Variants in GRK2 observed in about 807,000 individuals in gnomAD.
The protein encoded by GRK2 is G protein-coupled receptor kinase 2.
A neutral mutation model predicts 97.8 loss-of-function variants in GRK2; 23 were observed. The observed-to-expected ratio is 0.24, with a 90% CI of 0.17 to 0.33. The LOEUF (loss-of-function observed/expected upper bound fraction) is 0.33, where lower values mean the gene tolerates loss of function less well. GRK2 is among the 10% of genes least tolerant of loss of function. GRK2 has a pLI of 1.00. For missense variants in GRK2, 633 were observed against 956.9 expected, an observed-to-expected ratio of 0.66 and a Z score of 4.47; for synonymous variants, 425 against 381.7, an observed-to-expected ratio of 1.11 and a Z score of -1.32.
Position 67,286,305 on chromosome 11 carries a change from CA to C in GRK2, c.*856del. ...CAGTGTGCCCCCCATCCTGGCCCAT[CA>C]GTGTACCCCCGCCCAGGCTGGCCAG... is the stretch of plus-strand genomic sequence containing the variant. On this transcript the variant is annotated 3_prime_UTR_variant, in exon 21 of 21. Transcript: ENST00000308595. 1 of 656,278 alleles carries C rather than the reference CA, an allele frequency of 1.5e-6. No homozygotes were observed. Among genetic ancestry groups the C allele is most frequent in the East Asian group, 2.8e-5 (1 of 36,188 alleles). The allele number at this position is 656,278 out of a possible 1,614,324, so 40.7% of individuals were successfully genotyped here. A position where few individuals can be genotyped will look rare whatever the true frequency, so the allele number is the denominator to read the frequency against.
chr11:67,283,566 G>A (rs1860200803), intron 15 of GRK2, 141 bp from the exon 16 acceptor site: 6 of 840,062 alleles, frequency 7.1e-6, no homozygotes, highest in South Asian at 1.6e-5. Flanking sequence ...AGGAACTTCT[G>A]TTCTCCCATT....
Position 67,283,228 on chromosome 11 carries a change from G to T in GRK2, c.1328G>T (p.Gly443Val). The stretch of plus-strand genomic sequence containing the variant: ...CGGAGATTGGGCTGCCTGGGCCGAG[G>T]GTGAGTACCCTGGCGCCTTGGGCAT... ...VNRRLGCLGR[G>V]AQEVKESPFF... Residue 443 changes from glycine to valine, a missense_variant and splice_region_variant, in exon 15 of 21, where the codon GGG (glycine) becomes GTG (valine). Gly to Val is a moderately radical substitution (Grantham distance 109). Around this residue, in one of 4 missense-constraint regions of GRK2, gnomAD observed 68 missense variants for 71.0 expected, o/e 0.96. Coordinates refer to ENST00000308595, the MANE Select transcript of GRK2 (RefSeq NM_001619.5). 1 of 1,613,616 alleles carries T rather than the reference G, an allele frequency of 6.2e-7. No individual in the cohort carries two copies. Among genetic ancestry groups the T allele is most frequent in the Non-Finnish European group, 8.5e-7 (1 of 1,179,730 alleles).
Position 67,279,915 on chromosome 11 carries a change from G to T in GRK2, c.503+15G>T. On this transcript the variant is annotated intron_variant, in intron 6 of 20. Transcript: ENST00000308595. ...TTCATTGAGAGGTGAGAGCAGGGAA[G>T]TGTGGGAGAGGAAGGGGGAGGGAGG... The T allele has an allele frequency of 1.2e-6, 2 of 1,613,412 alleles. No individual in the cohort carries two copies. The highest frequency in any genetic ancestry group is 1.7e-6 in the Non-Finnish European group (2 of 1,179,586).
At position 67,286,478 on chromosome 11, in the gene GRK2, C is replaced by T. The variant is rs1187401844; in HGVS notation, c.*1028C>T. On this transcript the variant is annotated 3_prime_UTR_variant, in exon 21 of 21. Coordinates refer to ENST00000308595, the MANE Select transcript of GRK2 (RefSeq NM_001619.5). Reference sequence around the variant, plus strand: ...CCTCCCGTCTACTCATTCCCCGGGGCGTTTCTTTGCCGATTTTTGAATGTG... The same window carrying T: ...CCTCCCGTCTACTCATTCCCCGGGGTGTTTCTTTGCCGATTTTTGAATGTG... 3 of 700,538 alleles carry T rather than the reference C, an allele frequency of 4.3e-6. No homozygotes were observed. The highest frequency in any genetic ancestry group is 4.0e-5 in the Admixed American group (2 of 49,748). 43.4% of individuals were successfully genotyped at this position (700,538 alleles called of 1,614,324 possible). A position where few individuals can be genotyped will look rare whatever the true frequency, so the allele number is the denominator to read the frequency against.
At position 67,286,133 on chromosome 11, in the gene GRK2, C is replaced by T. The variant is rs983214179; in HGVS notation, c.*683C>T. 2.2e-6 allele frequency: 1 copy of T among 461,988 alleles called. No homozygotes were observed. The highest frequency in any genetic ancestry group is 2.1e-5 in the African/African-American group (1 of 48,064). 28.6% of individuals were successfully genotyped at this position (461,988 alleles called of 1,614,324 possible). ...AACCCCCAGCACCCGGGCTCAGGGA[C>T]CACAGCAAGGCACCTGCAGGTTGGG... On this transcript the variant is annotated 3_prime_UTR_variant, in exon 21 of 21. Coordinates refer to ENST00000308595, the MANE Select transcript of GRK2 (RefSeq NM_001619.5).
intron 1 of GRK2, chr11:67,270,942 C>CCGGTGA (rs1263918390): frequency 6.6e-6 from 1 of 152,164 alleles, no homozygotes; most frequent in Non-Finnish European, 1.5e-5. Context: ...TAGTAAGTTC[C>CCGGTGA]CGGTGACGTC....
At chr11:67,272,796 T>C (rs1486133198) in intron 1 of GRK2, among the ~76,000 whole-genome samples, 3 of 152,246 alleles carry the variant, frequency 2.0e-5, no homozygotes, top group African/African-American at 7.2e-5. Flanking sequence ...AGTAGAGCAA[T>C]GCAGTGCCTG....
chr11:67,272,360 A>C (rs992853541), intron 1 of GRK2, among the ~76,000 whole-genome samples: 1 of 152,152 alleles, frequency 6.6e-6, no homozygotes, highest in African/African-American at 2.4e-5. Flanking sequence ...GCCTCGGAGC[A>C]CGTGGCCCAG....
Position 67,281,289 on chromosome 11 carries a change from C to T in GRK2, c.647+105C>T. On this transcript the variant is annotated intron_variant, in intron 8 of 20. Coordinates refer to ENST00000308595, the MANE Select transcript of GRK2 (RefSeq NM_001619.5). This position sits in a 1 kb window ranked among gnomAD's most constrained non-coding sequence, Gnocchi z 5.7. The stretch of plus-strand genomic sequence containing the variant: ...GGGCCACCTGCTGCTCCATGCACTC[C>T]TGTCTTGCCGTGCTGTTACCCCCGC... 8.6e-7 allele frequency: 1 copy of T among 1,159,768 alleles called. No homozygotes were observed. The highest frequency in any genetic ancestry group is 1.4e-5 in the South Asian group (1 of 73,506). 71.8% of individuals were successfully genotyped at this position (1,159,768 alleles called of 1,614,324 possible).
Position 67,284,298 on chromosome 11 carries a change from G to A in GRK2, c.1579G>A (p.Asp527Asn), listed in dbSNP as rs781074663. 7 of 1,613,396 alleles carry A rather than the reference G, an allele frequency of 4.3e-6. No individual in the cohort carries two copies. The highest frequency in any genetic ancestry group is 3.4e-6 in the Non-Finnish European group (4 of 1,179,986). Residue 527 changes from aspartate to asparagine, a missense_variant, in exon 18 of 21, where the codon GAC becomes AAC. Around this residue, in one of 4 missense-constraint regions of GRK2, gnomAD observed 180 missense variants for 311.3 expected, o/e 0.58. Transcript: ENST00000308595. ...GCAGGAGGTGGCAGAGACTGTCTTC[G>A]ACACCATCAACGCTGAGACAGACCG... ...WQQEVAETVF[D>N]TINAETDRLE...
chr11:67,282,146 C>A lies in GRK2; in HGVS notation c.958-125C>A. ...GTAGCTGGGGACAGGAGAGAGGACCCCCACCTTTGCCCTTTCTTTGGGTAC... is the reference window on the plus strand; with the variant it reads ...GTAGCTGGGGACAGGAGAGAGGACCACCACCTTTGCCCTTTCTTTGGGTAC... On this transcript the variant is annotated intron_variant, in intron 11 of 20. Transcript: ENST00000308595. This position sits in a 1 kb window ranked among gnomAD's most constrained non-coding sequence, Gnocchi z 6.9. The A allele has an allele frequency of 2.5e-6, 3 of 1,199,286 alleles. No individual in the cohort carries two copies. The highest frequency in any genetic ancestry group is 3.6e-6 in the Non-Finnish European group (3 of 836,714). The allele number at this position is 1,199,286 out of a possible 1,614,324, so 74.3% of individuals were successfully genotyped here. A position where few individuals can be genotyped will look rare whatever the true frequency, so the allele number is the denominator to read the frequency against.
intron 1 of GRK2, among the ~76,000 whole-genome samples, chr11:67,273,008 A>G (rs1026161395): frequency 2.0e-5 from 3 of 152,240 alleles, no homozygotes; most frequent in African/African-American, 4.8e-5. Flanking sequence ...GCTCTCTCCC[A>G]TGGCCCAGCA....
intron 7 of GRK2, 100 bp from the exon 8 acceptor site, chr11:67,280,993 G>T: frequency 1.7e-6 from 2 of 1,184,632 alleles, no homozygotes; most frequent in South Asian, 1.4e-5. Context: ...ACATGGGTAT[G>T]GGGACCCTGG....
chr11:67,281,084 G>A lies in GRK2; in HGVS notation c.556-9G>A. On this transcript the variant is annotated splice_polypyrimidine_tract_variant and intron_variant, in intron 7 of 20. Coordinates refer to ENST00000308595, the MANE Select transcript of GRK2 (RefSeq NM_001619.5). The surrounding 1 kb of genome is among the most constrained non-coding windows in gnomAD (Gnocchi z 5.7). ...GCCTGTGGTGACCGCAGCTGTCGCT[G>A]CCCCTCAGCTGACCATGAATGACTT... 1 of 1,609,314 alleles carries A rather than the reference G, an allele frequency of 6.2e-7. No homozygotes were observed. Among genetic ancestry groups the A allele is most frequent in the Non-Finnish European group, 8.5e-7 (1 of 1,177,360 alleles).
intron 1 of GRK2, among the ~76,000 whole-genome samples, chr11:67,271,965 C>G (rs755441306): frequency 1.3e-5 from 2 of 152,236 alleles, no homozygotes; most frequent in Admixed American, 6.5e-5. Context: ...GGTGAATGCT[C>G]GCTCATCTCC....
At position 67,281,628 on chromosome 11, in the gene GRK2, C is replaced by G. The variant is rs987418340; in HGVS notation, c.748-22C>G. On this transcript the variant is annotated intron_variant, in intron 9 of 20. Transcript: ENST00000308595. The surrounding 1 kb of genome is among the most constrained non-coding windows in gnomAD (Gnocchi z 5.7). ...GGCGCCCCTGCTAACTGCCCGCCCC[C>G]TCCCCTCCTCTCCCCTCCTAGGACT... 3 of 1,584,908 alleles carry G rather than the reference C, an allele frequency of 1.9e-6. No homozygotes were observed. Among genetic ancestry groups the G allele is most frequent in the Non-Finnish European group, 2.6e-6 (3 of 1,154,236 alleles).
rs377515693 is a variant in GRK2 at position 67,283,242 on chromosome 11, C to G, written c.1328+14C>G. The G allele has an allele frequency of 6.2e-7, 1 of 1,609,108 alleles. No homozygotes were observed. The highest frequency in any genetic ancestry group is 1.3e-5 in the African/African-American group (1 of 74,816). On this transcript the variant is annotated intron_variant, in intron 15 of 20. Transcript: ENST00000308595. ...CCTGGGCCGAGGGTGAGTACCCTGG[C>G]GCCTTGGGCATGCTGCTGGCTGTGC...
In GRK2 at chr11:67,283,160, A is replaced by T. The variant is rs1460848733; in HGVS notation, c.1260A>T (p.Glu420Asp). 6.2e-7 allele frequency: 1 copy of T among 1,613,932 alleles called. No individual in the cohort carries two copies. Among genetic ancestry groups the T allele is most frequent in the Admixed American group, 1.7e-5 (1 of 60,020 alleles). The change falls in exon 15 of 21, where the codon GAA becomes GAT. Residue 420 changes from glutamate to aspartate, a missense_variant. Coordinates refer to ENST00000308595, the MANE Select transcript of GRK2 (RefSeq NM_001619.5). ...AVELPDSFSPELRSLLEGLLQ... is the reference protein window; with the variant it reads ...AVELPDSFSPDLRSLLEGLLQ... ...AGCTGCCCGACTCCTTCTCCCCTGAACTACGCTCCCTGCTGGAGGGGTTGC... is the reference window on the plus strand; with the variant it reads ...AGCTGCCCGACTCCTTCTCCCCTGATCTACGCTCCCTGCTGGAGGGGTTGC...
chr11:67,269,662 C>T lies in GRK2; in HGVS notation c.113+2850C>T, dbSNP rs1859868488. On this transcript the variant is annotated intron_variant, in intron 1 of 20. Coordinates refer to ENST00000308595, the MANE Select transcript of GRK2 (RefSeq NM_001619.5). This position sits in a 1 kb window ranked among gnomAD's most constrained non-coding sequence, Gnocchi z 4.1. The stretch of plus-strand genomic sequence containing the variant: ...CCAGGGTCCCGTCAGATGCAGGAGC[C>T]TGTCTTCCCCATACCCACAAGGTCA... 6.6e-6 allele frequency among the ~76,000 whole-genome samples: 1 copy of T among 152,232 alleles called. No individual in the cohort carries two copies. The highest frequency in any genetic ancestry group is 2.4e-5 in the African/African-American group (1 of 41,460).
Sources: allele counts gnomAD v4.1 joint callset (sites outside exome capture counted in the v4.1 genomes callset), GRCh38; gene constraint gnomAD v4.1.1; regional missense constraint gnomAD v4.1.1; non-coding constraint Gnocchi (gnomAD v3.1); transcripts MANE v1.5; gene names NCBI Gene and HGNC (gene_info 2026-07-23, HGNC 2026-07-21).